Variants in NPAS3 observed in about 807,000 individuals in gnomAD.
NPAS3 encodes neuronal PAS domain protein 3, also known as neuronal PAS domain-containing protein 3.
In NPAS3, 14 loss-of-function variants were observed where a neutral mutation model predicts 73.1. That is an observed-to-expected ratio of 0.19 (90% CI 0.13 to 0.30). NPAS3 has a LOEUF of 0.30. Ranked by LOEUF, NPAS3 falls within the 10% of genes least tolerant of loss-of-function variation. The pLI is 1.00. For synonymous variants in NPAS3, 620 were observed against 541.5 expected, an observed-to-expected ratio of 1.14 and a Z score of -2.01; for missense variants, 1,096 against 1,250.0, an observed-to-expected ratio of 0.88 and a Z score of 1.86.
intron 5 of NPAS3, among the ~76,000 whole-genome samples, chr14:33,593,563 C>T (rs940662749): frequency 6.6e-6 from 1 of 152,204 alleles, no homozygotes; most frequent in Non-Finnish European, 1.5e-5. Flanking sequence ...GCCCTGAGTC[C>T]ATTCTCCTGC....
intron 3 of NPAS3, among the ~76,000 whole-genome samples, chr14:33,326,245 A>G (rs2043699468): frequency 6.6e-6 from 1 of 152,196 alleles, no homozygotes; most frequent in South Asian, 2.1e-4. Flanking sequence ...GCTATAGTGA[A>G]AGGGAAAAAA....
At chr14:33,446,233 T>A (rs2049493609) in intron 4 of NPAS3, among the ~76,000 whole-genome samples, 1 of 145,920 alleles carries the variant, frequency 6.9e-6, no homozygotes, top group African/African-American at 2.5e-5. Context: ...CGGACTGCAG[T>A]GGCGCAATCT....
At chr14:33,474,372 G>A (rs1013195649) in intron 4 of NPAS3, among the ~76,000 whole-genome samples, 2 of 152,098 alleles carry the variant, frequency 1.3e-5, no homozygotes, top group Non-Finnish European at 2.9e-5. Context: ...GATAACTACA[G>A]TATGTTTAGT....
intron 5 of NPAS3, among the ~76,000 whole-genome samples, chr14:33,590,301 C>G (rs576552376): frequency 1.3e-5 from 2 of 152,240 alleles, no homozygotes; most frequent in South Asian, 4.1e-4. Flanking sequence ...GAAGTCAGAG[C>G]TCTGCATTTT....
chr14:33,154,174 T>G (rs2044563705), intron 2 of NPAS3, among the ~76,000 whole-genome samples: 1 of 152,200 alleles, frequency 6.6e-6, no homozygotes, highest in Admixed American at 6.5e-5. Flanking sequence ...GCCTGGGCAG[T>G]TAGCTGCCAG....
intron 4 of NPAS3, among the ~76,000 whole-genome samples, chr14:33,451,836 T>G (rs2049805490): frequency 6.6e-6 from 1 of 152,162 alleles, no homozygotes; most frequent in Non-Finnish European, 1.5e-5. Context: ...ATAGCAAGAT[T>G]CTTAAACTGT....
intron 2 of NPAS3, among the ~76,000 whole-genome samples, chr14:33,082,453 T>G (rs1012554741): frequency 3.2e-4 from 48 of 152,250 alleles, no homozygotes; most frequent in African/African-American, 1.1e-3. Context: ...ATGTAAACCC[T>G]TTTTGTTACT....
At chr14:32,938,044 G>A (rs906805762), upstream of NPAS3, among the ~76,000 whole-genome samples, 1 of 152,172 alleles carries the variant, frequency 6.6e-6, no homozygotes, top group African/African-American at 2.4e-5. Flanking sequence ...CCCAAGTCCC[G>A]GGACCCGAGT....
At chr14:33,386,367 C>T (rs2046775805) in intron 4 of NPAS3, among the ~76,000 whole-genome samples, 1 of 152,184 alleles carries the variant, frequency 6.6e-6, no homozygotes. Context: ...ACCATTTCAT[C>T]TCTTTCATTC....
chr14:33,502,682 T>C (rs2052575390), intron 4 of NPAS3, among the ~76,000 whole-genome samples: 1 of 151,922 alleles, frequency 6.6e-6, no homozygotes, highest in South Asian at 2.1e-4. Flanking sequence ...TTCTCTTTAC[T>C]GCTGCTGCGC....
chr14:33,050,886 CT>C (rs1331588802), intron 1 of NPAS3, among the ~76,000 whole-genome samples: 1 of 152,200 alleles, frequency 6.6e-6, no homozygotes, highest in African/African-American at 2.4e-5. Flanking sequence ...GGGCTAAGCA[CT>C]TTACACAATT....
intron 2 of NPAS3, among the ~76,000 whole-genome samples, chr14:33,064,478 T>C (rs918851137): frequency 2.0e-5 from 3 of 152,174 alleles, no homozygotes; most frequent in Non-Finnish European, 4.4e-5. Flanking sequence ...TGTGTTACCT[T>C]GGAGCTCACA....
chr14:33,434,630 C>T (rs1359897057), intron 4 of NPAS3, among the ~76,000 whole-genome samples: 1 of 152,028 alleles, frequency 6.6e-6, no homozygotes, highest in African/African-American at 2.4e-5. Context: ...TGTTATTCAC[C>T]CATTAAAATT....
chr14:33,281,953 G>GT (rs747303955), intron 3 of NPAS3, among the ~76,000 whole-genome samples: 5 of 152,172 alleles, frequency 3.3e-5, no homozygotes, highest in East Asian at 1.9e-4. Context: ...ATTAATTCAA[G>GT]TTTTTTTGCT....
At chr14:33,634,136 T>C (rs1391582689) in intron 5 of NPAS3, among the ~76,000 whole-genome samples, 1 of 152,198 alleles carries the variant, frequency 6.6e-6, no homozygotes, top group Non-Finnish European at 1.5e-5. Flanking sequence ...GAAACTCGAA[T>C]TGGGTCAAAA....
chr14:33,676,133 C>G (rs1243458454), intron 5 of NPAS3, 78 bp from the exon 6 acceptor site: 57 of 1,414,140 alleles, frequency 4.0e-5, no homozygotes, highest in Non-Finnish European at 1.5e-5. Flanking sequence ...TACTCAGAAT[C>G]TGAATCACTG....
intron 5 of NPAS3, among the ~76,000 whole-genome samples, chr14:33,622,396 T>G (rs2058101093): frequency 1.3e-5 from 2 of 152,164 alleles, no homozygotes; most frequent in Non-Finnish European, 2.9e-5. Context: ...CATGATGAAG[T>G]TACTAGTCCC....
chr14:33,785,941 A>G (rs780968793), intron 9 of NPAS3, among the ~76,000 whole-genome samples: 1 of 152,190 alleles, frequency 6.6e-6, no homozygotes, highest in Non-Finnish European at 1.5e-5. Flanking sequence ...GGGTCAGTCG[A>G]TGTTTTGTGT....
At chr14:33,641,245 G>A (rs1188705271) in intron 5 of NPAS3, among the ~76,000 whole-genome samples, 1 of 151,984 alleles carries the variant, frequency 6.6e-6, no homozygotes, top group Non-Finnish European at 1.5e-5. Flanking sequence ...ATCTTTCTTA[G>A]CCCTCTCTGT....
Sources: gnomAD v4.1 joint callset for allele counts (sites outside exome capture counted in the v4.1 genomes callset) on GRCh38, gnomAD v4.1.1 for gene constraint, MANE v1.5 for transcripts, NCBI Gene and HGNC (gene_info 2026-07-23, HGNC 2026-07-21) for gene names.